The following JMY variants were observed in gnomAD, a reference collection of about 807,000 sequenced individuals.
JMY encodes junction-mediating and -regulatory protein.
A neutral mutation model predicts 103.3 loss-of-function variants in JMY; 46 were observed. That is an observed-to-expected ratio of 0.45 (90% confidence interval 0.35 to 0.57). JMY has a LOEUF of 0.57. Among genes scored for constraint, JMY ranks in the 20% least tolerant of loss-of-function variants. The probability of loss-of-function intolerance (pLI) is 0.00; values close to 1 mark genes in which losing one functional copy is unlikely to be tolerated. For synonymous variants in JMY, 526 were observed against 489.3 expected, an observed-to-expected ratio of 1.07 and a Z score of -0.99; for missense variants, 1,238 against 1,255.2, an observed-to-expected ratio of 0.99 and a Z score of 0.21.
chr5:79,318,161 C>T (rs1747300909), intron 10 of JMY, among the ~76,000 whole-genome samples: 1 of 142,240 alleles, frequency 7.0e-6, no homozygotes, highest in Non-Finnish European at 1.5e-5. Flanking sequence ...GCCATGATGC[C>T]CGGCTCTTTT....
intron 1 of JMY, among the ~76,000 whole-genome samples, chr5:79,241,704 C>A (rs1423267545): frequency 6.6e-6 from 1 of 152,156 alleles, no homozygotes; most frequent in Non-Finnish European, 1.5e-5. Flanking sequence ...TATGTTTATG[C>A]TATAATGTAC....
Position 79,247,763 on chromosome 5 carries a change from C to T in JMY, c.1032+10081C>T, listed in dbSNP as rs111991501. Among the ~76,000 whole-genome samples the T allele has an allele frequency of 7.6e-3, 1,163 of 152,116 alleles. 15 individuals carry two copies. Among genetic ancestry groups the T allele is most frequent in the African/African-American group, 0.027 (1,103 of 41,538 alleles). ...CACCTCCCAGGTTCAAGCAATTCTC[C>T]TGCCTCAGCCTCCCAAGTAGCTGGG... On this transcript the variant is annotated intron_variant, in intron 1 of 10. Transcript: ENST00000396137.
chr5:79,317,374 TAGAG>T (rs1307046758), intron 10 of JMY, among the ~76,000 whole-genome samples: 1 of 152,134 alleles, frequency 6.6e-6, no homozygotes, highest in Non-Finnish European at 1.5e-5. Flanking sequence ...CCTAATATAA[TAGAG>T]AGCTATAGTC....
chr5:79,267,491 T>G (rs536261134), intron 1 of JMY, among the ~76,000 whole-genome samples: 2 of 145,526 alleles, frequency 1.4e-5, no homozygotes, highest in Admixed American at 6.8e-5. Flanking sequence ...TATATAGCCT[T>G]TTCAGATTAG....
At chr5:79,243,671 A>C (rs776783453) in intron 1 of JMY, among the ~76,000 whole-genome samples, 5 of 152,268 alleles carry the variant, frequency 3.3e-5, no homozygotes, top group Non-Finnish European at 5.9e-5. Context: ...ATACAGTTAA[A>C]GAATAATGAA....
chr5:79,304,372 C>T (rs544125373), intron 6 of JMY, among the ~76,000 whole-genome samples: 9 of 152,230 alleles, frequency 5.9e-5, no homozygotes, highest in African/African-American at 2.2e-4. Context: ...TCAACATGCC[C>T]AAGGTCACTG....
chr5:79,284,351 T>C lies in JMY; in HGVS notation c.1207-5770T>C. The C allele has an allele frequency of 4.6e-6, 6 of 1,290,768 alleles. No homozygotes were observed. In the South Asian group the frequency reaches 4.7e-5, roughly 10 times the overall value. 80.0% of individuals were successfully genotyped at this position (1,290,768 alleles called of 1,614,324 possible). On this transcript the variant is annotated intron_variant, in intron 2 of 10. Transcript: ENST00000396137. ...CTTTTCTATGTCTTTTCCAATGCTG[T>C]CTGGAATCAATTTATTGACCACTTC...
intron 1 of JMY, among the ~76,000 whole-genome samples, chr5:79,266,403 A>G (rs1316925535): frequency 1.3e-5 from 2 of 152,218 alleles, no homozygotes; most frequent in African/African-American, 4.8e-5. Context: ...CTAGTTAAGT[A>G]TGTAAATCAT....
intron 1 of JMY, among the ~76,000 whole-genome samples, chr5:79,242,238 C>T (rs748676283): frequency 2.6e-5 from 4 of 152,126 alleles, no homozygotes; most frequent in Non-Finnish European, 4.4e-5. Flanking sequence ...GAGTCAGAAA[C>T]ACCTAGGTTG....
intron 1 of JMY, among the ~76,000 whole-genome samples, chr5:79,261,410 A>T (rs1462047400): frequency 2.6e-5 from 4 of 152,114 alleles, no homozygotes; most frequent in Non-Finnish European, 5.9e-5. Flanking sequence ...TCAAAAAATT[A>T]GCCAGGCATA....
intron 1 of JMY, among the ~76,000 whole-genome samples, chr5:79,276,484 C>T (rs1207997503): frequency 6.6e-6 from 1 of 152,006 alleles, no homozygotes; most frequent in Admixed American, 6.6e-5. Flanking sequence ...GGCTGCAGTT[C>T]TGTGGCACAA....
intron 10 of JMY, among the ~76,000 whole-genome samples, chr5:79,318,650 A>G (rs1747320720): frequency 6.6e-6 from 1 of 152,038 alleles, no homozygotes; most frequent in Admixed American, 6.6e-5. Context: ...AGTTACATGT[A>G]ACAGTCACTT....
chr5:79,322,075 G>GT lies in JMY; in HGVS notation c.*476dup, dbSNP rs1244642714. ...TTAAATACTGTGACACTCTGAGAAA[G>GT]TTTATCATCATGATAGCTGTAAGTC... On this transcript the variant is annotated 3_prime_UTR_variant, in exon 11 of 11. Transcript: ENST00000396137. The GT allele has an allele frequency of 3.9e-5, 6 of 152,170 alleles. No individual in the cohort carries two copies. The highest frequency in any genetic ancestry group is 1.2e-4 in the African/African-American group (5 of 41,456). 9.4% of individuals were successfully genotyped at this position (152,170 alleles called of 1,614,324 possible).
intron 3 of JMY, among the ~76,000 whole-genome samples, chr5:79,290,636 A>G (rs1230860094): frequency 6.6e-6 from 1 of 152,168 alleles, no homozygotes; most frequent in Non-Finnish European, 1.5e-5. Context: ...TAACTGCAGA[A>G]CGTTATTTCT....
At chr5:79,259,413 C>T (rs1745349971) in intron 1 of JMY, among the ~76,000 whole-genome samples, 1 of 152,194 alleles carries the variant, frequency 6.6e-6, no homozygotes, top group African/African-American at 2.4e-5. Flanking sequence ...CACAAGTTCC[C>T]ACCCCAGTCA....
At chr5:79,277,570 G>A (rs183704852) in intron 1 of JMY, among the ~76,000 whole-genome samples, 1 of 152,078 alleles carries the variant, frequency 6.6e-6, no homozygotes, top group East Asian at 1.9e-4. Context: ...CCCAGGAGGT[G>A]GAGGTTGCAG....
chr5:79,271,771 A>G (rs1745790071), intron 1 of JMY, among the ~76,000 whole-genome samples: 1 of 152,182 alleles, frequency 6.6e-6, no homozygotes, highest in Non-Finnish European at 1.5e-5. Context: ...ATGTACACAT[A>G]TGATTGTTGT....
chr5:79,321,416 A>C (rs1747445107), intron 10 of JMY, among the ~76,000 whole-genome samples, 190 bp from the exon 11 acceptor site: 1 of 152,204 alleles, frequency 6.6e-6, no homozygotes, highest in African/African-American at 2.4e-5. Flanking sequence ...AAAAATGAAA[A>C]TCTAATAGTC....
At chr5:79,298,074 G>A (rs13178271) in intron 4 of JMY, among the ~76,000 whole-genome samples, 8,492 of 152,178 alleles carry the variant, frequency 0.056, 539 homozygotes, top group African/African-American at 0.15. Context: ...CCTTAGCCAA[G>A]AGATTGGGCA....
Sources: gnomAD v4.1 joint callset for allele counts (sites outside exome capture counted in the v4.1 genomes callset) on GRCh38, gnomAD v4.1.1 for gene constraint, MANE v1.5 for transcripts, NCBI Gene and HGNC (gene_info 2026-07-23, HGNC 2026-07-21) for gene names.